PLCG2: variants seen among roughly 807,000 people sequenced by gnomAD.
PLCG2 encodes phospholipase C gamma 2.
Under a neutral mutation model 175.6 loss-of-function variants are expected in PLCG2, and 69 were observed. That is an observed-to-expected ratio of 0.39 (90% CI 0.32 to 0.48). PLCG2 has a LOEUF of 0.48. Among genes scored for constraint, PLCG2 ranks in the 20% least tolerant of loss-of-function variants. The pLI, the probability that PLCG2 is intolerant of heterozygous loss-of-function variation, is 0.91. For missense variants in PLCG2, 1,798 were observed against 1,650.9 expected (o/e 1.09, Z -1.54); for synonymous variants, 827 against 624.0 (o/e 1.33, Z -4.85).
At chr16:81,929,252 G>T (rs1475216716) in intron 24 of PLCG2, among the ~76,000 whole-genome samples, 1 of 152,164 alleles carries the variant, frequency 6.6e-6, no homozygotes, top group Non-Finnish European at 1.5e-5. Flanking sequence ...CATGTGAAGG[G>T]ACTCTGTAGC....
intron 5 of PLCG2, among the ~76,000 whole-genome samples, chr16:81,863,360 T>C (rs1005455390): frequency 1.3e-5 from 2 of 152,270 alleles, no homozygotes; most frequent in African/African-American, 2.4e-5. Flanking sequence ...TTCATCTGTG[T>C]TGTAGCATGT....
intron 1 of PLCG2, among the ~76,000 whole-genome samples, chr16:81,747,614 G>A (rs1027741027): frequency 6.6e-6 from 1 of 152,122 alleles, no homozygotes; most frequent in Non-Finnish European, 1.5e-5. Flanking sequence ...GTGGATAGAG[G>A]ATGAGTTACA....
chr16:81,831,385 T>C (rs898772376), intron 2 of PLCG2, among the ~76,000 whole-genome samples: 1 of 152,178 alleles, frequency 6.6e-6, no homozygotes, highest in African/African-American at 2.4e-5. Context: ...CTGTGGATAA[T>C]AGCAGCAAAC....
intron 2 of PLCG2, among the ~76,000 whole-genome samples, chr16:81,802,402 G>A (rs376821237): frequency 9.9e-5 from 15 of 151,020 alleles, no homozygotes; most frequent in Middle Eastern, 3.6e-3. Context: ...GTGAGCCACC[G>A]CGCCCGGCCT....
chr16:81,921,499 T>C, intron 21 of PLCG2: 3 of 551,740 alleles, frequency 5.4e-6, no homozygotes, highest in Admixed American at 2.8e-5. Context: ...GCTAAAATTC[T>C]GAGGTTTGAC....
chr16:81,854,368 G>A, intron 2 of PLCG2, 76 bp from the exon 3 acceptor site: 5 of 1,354,140 alleles, frequency 3.7e-6, no homozygotes, highest in Non-Finnish European at 5.3e-6. Context: ...GCTGTGCCTG[G>A]GCTGCAGTTG....
chr16:81,863,566 A>C (rs1907086239), intron 5 of PLCG2, among the ~76,000 whole-genome samples: 1 of 152,200 alleles, frequency 6.6e-6, no homozygotes. Flanking sequence ...ATATATCCAG[A>C]AGCTGAATTG....
intron 2 of PLCG2, among the ~76,000 whole-genome samples, chr16:81,771,068 A>AAT (rs969518930): frequency 1.7e-5 from 2 of 120,318 alleles, no homozygotes; most frequent in African/African-American, 5.8e-5. Context: ...AAAAAAAAAA[A>AAT]AAAATAAATA....
chr16:81,911,991 G>T (rs1226050050), intron 18 of PLCG2, among the ~76,000 whole-genome samples: 1 of 151,854 alleles, frequency 6.6e-6, no homozygotes, highest in Admixed American at 6.6e-5. Flanking sequence ...TAGAGACAGG[G>T]TTTCACCGTG....
At chr16:81,802,032 C>T (rs918140659) in intron 2 of PLCG2, among the ~76,000 whole-genome samples, 9 of 147,456 alleles carry the variant, frequency 6.1e-5, no homozygotes, top group Admixed American at 3.4e-4. Context: ...TGCAGAGGTG[C>T]CCACCAACAT....
intron 30 of PLCG2, among the ~76,000 whole-genome samples, chr16:81,944,591 A>C (rs969110322): frequency 2.6e-5 from 4 of 152,130 alleles, no homozygotes; most frequent in African/African-American, 9.7e-5. Context: ...CAGTCTTCCT[A>C]GTAGCTGGGA....
At chr16:81,815,810 C>T (rs1159134290) in intron 2 of PLCG2, among the ~76,000 whole-genome samples, 1 of 152,184 alleles carries the variant, frequency 6.6e-6, no homozygotes, top group African/African-American at 2.4e-5. Context: ...CCTGTAATCC[C>T]AGCACTTTGG....
At chr16:81,912,958 C>G (rs1470409460) in intron 19 of PLCG2, among the ~76,000 whole-genome samples, 1 of 152,252 alleles carries the variant, frequency 6.6e-6, no homozygotes, top group African/African-American at 2.4e-5. Context: ...TCCAGTAACT[C>G]TGTGGGGTTG....
At chr16:81,934,865 A>G (rs972239689) in intron 26 of PLCG2, among the ~76,000 whole-genome samples, 2 of 152,056 alleles carry the variant, frequency 1.3e-5, no homozygotes, top group South Asian at 2.1e-4. Flanking sequence ...GAAAGGGGAA[A>G]CCCTTATAAA....
At chr16:81,742,159 G>A (rs79129484) in intron 1 of PLCG2, among the ~76,000 whole-genome samples, 1 of 127,248 alleles carries the variant, frequency 7.9e-6, no homozygotes, top group Admixed American at 8.0e-5. Context: ...GGGGGCGGGG[G>A]GGGGGGCGGT....
intron 2 of PLCG2, among the ~76,000 whole-genome samples, chr16:81,768,610 G>C (rs530496460): frequency 7.6e-6 from 1 of 131,164 alleles, no homozygotes; most frequent in South Asian, 2.4e-4. Flanking sequence ...TTGTTGCCCA[G>C]GCTGGAGTGC....
intron 5 of PLCG2, among the ~76,000 whole-genome samples, chr16:81,868,885 T>C (rs1035288223): frequency 3.9e-5 from 6 of 152,078 alleles, no homozygotes; most frequent in African/African-American, 1.4e-4. Flanking sequence ...GCCTCCTCAT[T>C]GGGGCATCAC....
chr16:81,755,646 G>T (rs1172973359), intron 1 of PLCG2, among the ~76,000 whole-genome samples: 1 of 151,824 alleles, frequency 6.6e-6, no homozygotes, highest in East Asian at 1.9e-4. Flanking sequence ...GTCCCTCAGC[G>T]TCCCGAGTAG....
chr16:81,871,621 A>G (rs1907520216), intron 7 of PLCG2, among the ~76,000 whole-genome samples: 1 of 152,182 alleles, frequency 6.6e-6, no homozygotes, highest in Non-Finnish European at 1.5e-5. Context: ...TACAGGTGTG[A>G]GCCACTGTGC....
Sources: gnomAD v4.1 joint callset for allele counts (sites outside exome capture counted in the v4.1 genomes callset) on GRCh38, gnomAD v4.1.1 for gene constraint, MANE v1.5 for transcripts, NCBI Gene and HGNC (gene_info 2026-07-23, HGNC 2026-07-21) for gene names.